Variants in PLB1 observed in about 807,000 individuals in gnomAD.
PLB1 encodes phospholipase B1, membrane-associated.
A neutral mutation model predicts 227.4 loss-of-function variants in PLB1; 242 were observed. The ratio of observed to expected loss-of-function variants is 1.06; its 90% CI spans 0.96 to 1.18. The LOEUF (loss-of-function observed/expected upper bound fraction) is 1.18, where lower values mean the gene tolerates loss of function less well. PLB1 is among the 50% of genes most tolerant of loss of function. The probability of loss-of-function intolerance (pLI) is 0.00; values close to 1 mark genes in which losing one functional copy is unlikely to be tolerated. For missense variants in PLB1, 1,858 were observed against 1,816.3 expected (o/e 1.02, Z -0.42); for synonymous variants, 757 against 682.2 (o/e 1.11, Z -1.71).
chr2:28,567,148 C>T (rs1455649958), intron 20 of PLB1, among the ~76,000 whole-genome samples: 1 of 152,068 alleles, frequency 6.6e-6, no homozygotes, highest in East Asian at 1.9e-4. Flanking sequence ...TAGGGCAAGT[C>T]ATTAAAAAGT....
intron 23 of PLB1, among the ~76,000 whole-genome samples, chr2:28,581,488 AATAAAT>A (rs1327229739): frequency 1.1e-3 from 8 of 7,162 alleles, no homozygotes; most frequent in South Asian, 3.7e-3. Context: ...CACGCAAAAA[AATAAAT>A]AAATAAATAA....
intron 39 of PLB1, among the ~76,000 whole-genome samples, chr2:28,603,220 G>A (rs906109788): frequency 1.3e-5 from 2 of 152,210 alleles, no homozygotes; most frequent in African/African-American, 4.8e-5. Flanking sequence ...GTGAACATGG[G>A]CAGTGGTTAG....
At chr2:28,605,413 C>A (rs1344345742) in intron 41 of PLB1, among the ~76,000 whole-genome samples, 1 of 152,014 alleles carries the variant, frequency 6.6e-6, no homozygotes, top group Admixed American at 6.5e-5. Context: ...GTCAGGGGAC[C>A]CAACTACCCA....
rs1455165668 is a variant in PLB1, at chr2:28,620,619, T to C, written c.3403T>C (p.Leu1135=). 6.2e-7 allele frequency: 1 copy of C among 1,613,878 alleles called. No homozygotes were observed. Among genetic ancestry groups the C allele is most frequent in the African/African-American group, 1.3e-5 (1 of 75,010 alleles). The change falls in exon 48 of 58, where the codon TTG becomes CTG. Residue 1135 remains leucine (L), a synonymous_variant. Transcript: ENST00000327757. The part of the protein sequence containing the change: ...LSWSIGGDGN[L]ETHTTLPNIL... The stretch of plus-strand genomic sequence containing the variant: ...CCCCAGCATTGGAGGGGATGGGAAC[T>C]TGGAGACTCACACCACACTGCCCAG...
chr2:28,602,831 TCCTGGTC>T lies in PLB1; in HGVS notation c.2685_2691del (p.Leu896ThrfsTer6), dbSNP rs1684119397. 2 of 1,613,892 alleles carry T rather than the reference TCCTGGTC, an allele frequency of 1.2e-6. No individual in the cohort carries two copies. Among genetic ancestry groups the T allele is most frequent in the South Asian group, 2.2e-5 (2 of 91,082 alleles). ...CAGCTTTTCCCTTAGGTGCCCAGAG[TCCTGGTC>T]AACCTCGTGGACTTCCTGAACCCCA... On this transcript the variant is annotated frameshift_variant, in exon 39 of 58. Transcript: ENST00000327757. LOFTEE classifies it high-confidence loss of function.
At chr2:28,585,965 T>A (rs763657062) in intron 26 of PLB1, 123 bp downstream of exon 26, 70 of 871,688 alleles carry the variant, frequency 8.0e-5, no homozygotes, top group Non-Finnish European at 1.2e-4. Context: ...CTGACTAGTT[T>A]GCTGATTTTA....
At chr2:28,573,640 G>A (rs1678397433) in intron 21 of PLB1, among the ~76,000 whole-genome samples, 1 of 152,212 alleles carries the variant, frequency 6.6e-6, no homozygotes, top group African/African-American at 2.4e-5. Context: ...TGCTGTTTCA[G>A]AGTCCTGCTC....
chr2:28,575,115 A>G (rs1196873181), intron 21 of PLB1, among the ~76,000 whole-genome samples: 1 of 152,172 alleles, frequency 6.6e-6, no homozygotes, highest in Non-Finnish European at 1.5e-5. Context: ...CGGTTGTACT[A>G]GTTTACATTC....
chr2:28,519,883 T>C, intron 4 of PLB1, 120 bp downstream of exon 4: 2 of 531,468 alleles, frequency 3.8e-6, no homozygotes, highest in Admixed American at 6.0e-5. Context: ...GTGAACTAGA[T>C]AAATCCAGGA....
In PLB1 at chr2:28,541,736, C is replaced by T; in HGVS notation, c.804C>T (p.Ser268=). 6.2e-7 allele frequency: 1 copy of T among 1,614,050 alleles called. No homozygotes were observed. The highest frequency in any genetic ancestry group is 8.5e-7 in the Non-Finnish European group (1 of 1,180,006). The change falls in exon 13 of 58, where the codon AGC becomes AGT. Residue 268 remains serine, a synonymous_variant. Coordinates refer to ENST00000327757, the MANE Select transcript of PLB1 (RefSeq NM_153021.5). Reference sequence around the variant, plus strand: ...CCTGGAACAGCCTCCTGGCCTCCAGCAGGTACAGTGAGCAGGAGTCCTTCA... The same window carrying T: ...CCTGGAACAGCCTCCTGGCCTCCAGTAGGTACAGTGAGCAGGAGTCCTTCA... ...QEAWNSLLAS[S]RYSEQESFTV... is the part of the protein sequence containing the mutation.
chr2:28,601,862 C>G, intron 37 of PLB1, 37 bp from the exon 38 acceptor site: 5 of 1,536,132 alleles, frequency 3.3e-6, no homozygotes, highest in Non-Finnish European at 4.5e-6. Context: ...CCCACCCTAA[C>G]CAGTTCCTCC....
At position 28,613,568 on chromosome 2, in the gene PLB1, G is replaced by T. The variant is rs145418134; in HGVS notation, c.3130-463G>T. ...TTTACAAGAAAAAAAAAATGACTAA[G>T]ATACAGGAACCCAACCTAAAGAGGA... On this transcript the variant is annotated intron_variant, in intron 43 of 57. Transcript: ENST00000327757. Among the ~76,000 whole-genome samples, 6 of 152,084 alleles carry T rather than the reference G, an allele frequency of 3.9e-5. No individual in the cohort carries two copies. The East Asian group carries it at 1.2e-3, about 29-fold the overall frequency.
intron 27 of PLB1, 41 bp downstream of exon 27, chr2:28,589,595 T>C: frequency 5.6e-6 from 9 of 1,604,650 alleles, no homozygotes; most frequent in Non-Finnish European, 7.7e-6. Context: ...AATCCACAGA[T>C]AGTGTGTGGC....
intron 17 of PLB1, 141 bp downstream of exon 17, chr2:28,553,132 C>A: frequency 5.7e-6 from 4 of 700,436 alleles, no homozygotes; most frequent in Non-Finnish European, 9.9e-6. Flanking sequence ...ATTTGTAAAG[C>A]CATGGCTGTG....
At chr2:28,625,726 C>A (rs542982340) in intron 50 of PLB1, among the ~76,000 whole-genome samples, 1 of 152,294 alleles carries the variant, frequency 6.6e-6, no homozygotes, top group Non-Finnish European at 1.5e-5. Context: ...TAGCTGCATC[C>A]TTTGCCTACA....
At chr2:28,527,230 CT>C (rs1224954139) in intron 6 of PLB1, among the ~76,000 whole-genome samples, 2 of 152,348 alleles carry the variant, frequency 1.3e-5, no homozygotes, top group East Asian at 1.9e-4. Flanking sequence ...CTGAGTGCCC[CT>C]CTCTAAGCAG....
chr2:28,613,064 C>T (rs1372917813), intron 43 of PLB1, among the ~76,000 whole-genome samples: 4 of 152,076 alleles, frequency 2.6e-5, no homozygotes, highest in African/African-American at 4.8e-5. Flanking sequence ...GGATTACAGG[C>T]ACATGCCACC....
chr2:28,603,856 A>G (rs1174127965), intron 39 of PLB1, 110 bp from the exon 40 acceptor site: 1 of 1,000,898 alleles, frequency 1.0e-6, no homozygotes, highest in African/African-American at 1.6e-5. Flanking sequence ...GTGCTCCTAA[A>G]CCAGGGCGGG....
intron 38 of PLB1, 136 bp from the exon 39 acceptor site, chr2:28,602,685 T>G: frequency 1.3e-6 from 1 of 754,152 alleles, no homozygotes; most frequent in South Asian, 1.6e-5. Context: ...GAGGTAGCCC[T>G]GTATAGACTC....
Sources: gnomAD v4.1 joint callset for allele counts (sites outside exome capture counted in the v4.1 genomes callset) on GRCh38, gnomAD v4.1.1 for gene constraint, MANE v1.5 for transcripts, NCBI Gene and HGNC (gene_info 2026-07-23, HGNC 2026-07-21) for gene names.